Variants in BPIFB2 observed in about 807,000 individuals in gnomAD.
BPIFB2 encodes BPI fold-containing family B member 2.
BPIFB2 carries 39 observed loss-of-function variants against 50.1 expected under a neutral mutation model. The observed-to-expected ratio is 0.78, with a 90% CI of 0.60 to 1.02. The LOEUF is 1.02. Among genes scored for constraint, BPIFB2 ranks in the 50% least tolerant of loss-of-function variants. The probability of loss-of-function intolerance (pLI) is 0.00; values close to 1 mark genes in which losing one functional copy is unlikely to be tolerated. For missense variants in BPIFB2, 574 were observed against 585.8 expected (o/e 0.98, Z 0.21); for synonymous variants, 280 against 256.3 (o/e 1.09, Z -0.88).
chr20:33,013,050 C>A (rs146634710), intron 4 of BPIFB2, 143 bp downstream of exon 4: 22 of 641,318 alleles, frequency 3.4e-5, no homozygotes, highest in Non-Finnish European at 1.6e-5. Flanking sequence ...TCTCCCCTCA[C>A]GCTTGGAGGG....
Position 33,018,712 on chromosome 20 carries a change from G to T in BPIFB2, c.745G>T (p.Gly249Cys), listed in dbSNP as rs1386475417. The T allele has an allele frequency of 1.2e-6, 2 of 1,614,186 alleles. No individual in the cohort carries two copies. The highest frequency in any genetic ancestry group is 1.7e-6 in the Non-Finnish European group (2 of 1,180,020). ...ATPFVLPRHVGTEGSMATVGL... is the reference protein window; with the variant it reads ...ATPFVLPRHVCTEGSMATVGL... ...CCCTTTTGTGTTGCCAAGGCATGTG[G>T]GTACCGAGGGCTCCATGGCCACCGT... The change falls in exon 9 of 16, where the codon GGT (glycine) becomes TGT (cysteine). Residue 249 changes from glycine to cysteine, a missense_variant. Transcript: ENST00000170150.
At chr20:33,023,011 T>A (rs1263654416) in intron 15 of BPIFB2, among the ~76,000 whole-genome samples, 1 of 151,804 alleles carries the variant, frequency 6.6e-6, no homozygotes, top group Non-Finnish European at 1.5e-5. Context: ...CTATGGGGGG[T>A]GCCTGAGTCT....
chr20:33,014,967 G>A (rs1170160905), intron 5 of BPIFB2, among the ~76,000 whole-genome samples: 2 of 152,094 alleles, frequency 1.3e-5, no homozygotes, highest in Non-Finnish European at 2.9e-5. Context: ...AGGAACTATA[G>A]GTGCCTATGG....
In BPIFB2 at chr20:33,017,164, C is replaced by A. The variant is rs1039253474; in HGVS notation, c.577+62C>A. On this transcript the variant is annotated intron_variant, in intron 7 of 15. Coordinates refer to ENST00000170150, the MANE Select transcript of BPIFB2 (RefSeq NM_025227.3). The stretch of plus-strand genomic sequence containing the variant: ...CTGGGACCCCCTGGAGCCCCTAGAA[C>A]CCTCCAAAGGCTCCACTCTGGATCA... 7.3e-6 allele frequency: 11 copies of A among 1,511,386 alleles called. No homozygotes were observed. The Admixed American group carries it at 1.6e-4, about 22-fold the overall frequency. The allele number at this position is 1,511,386 out of a possible 1,614,324, so 93.6% of individuals were successfully genotyped here. A position where few individuals can be genotyped will look rare whatever the true frequency, so the allele number is the denominator to read the frequency against.
chr20:33,010,913 T>C, intron 2 of BPIFB2, 111 bp from the exon 3 acceptor site: 1 of 926,210 alleles, frequency 1.1e-6, no homozygotes, highest in Non-Finnish European at 1.7e-6. Flanking sequence ...GCCTACCCCT[T>C]CCAGTCTGAG....
chr20:33,008,563 GC>G lies in BPIFB2; in HGVS notation c.-10del, dbSNP rs776610928. ...CAGCCCACAGATCCTGTGGGCAGCG[GC>G]CAGGGCAGCCATGGCTTGGGCAAGT... On this transcript the variant is annotated 5_prime_UTR_variant, in exon 2 of 16. Transcript: ENST00000170150. The G allele has an allele frequency of 9.5e-6, 15 of 1,574,402 alleles. No homozygotes were observed. Among genetic ancestry groups the G allele is most frequent in the African/African-American group, 1.4e-5 (1 of 73,886 alleles).
At chr20:33,015,352 C>T in intron 5 of BPIFB2, 84 bp from the exon 6 acceptor site, 3 of 1,295,942 alleles carry the variant, frequency 2.3e-6, no homozygotes, top group Non-Finnish European at 3.2e-6. Context: ...ATAGAGACTT[C>T]TCTTCCCAGA....
rs146534667 is a variant in BPIFB2, at chr20:33,009,831, A to T, written c.109+1148A>T. Among the ~76,000 whole-genome samples, 81 of 152,352 alleles carry T rather than the reference A, an allele frequency of 5.3e-4. No individual in the cohort carries two copies. Among genetic ancestry groups the T allele is most frequent in the Non-Finnish European group, 1.0e-3 (69 of 68,032 alleles). On this transcript the variant is annotated intron_variant, in intron 2 of 15. Coordinates refer to ENST00000170150, the MANE Select transcript of BPIFB2 (RefSeq NM_025227.3). This position sits in a 1 kb window ranked among gnomAD's most constrained non-coding sequence, Gnocchi z 4.2. ...AAATCTGGCTGGAGGCCCACGCTGG[A>T]CGCATTGCTCCCCAGGCTGGGCTGA...
At position 33,020,378 on chromosome 20, in the gene BPIFB2, G is replaced by T. The variant is rs761624498; in HGVS notation, c.1131G>T (p.Gly377=). Residue 377 remains glycine, a synonymous_variant, in exon 12 of 16, where the codon GGG becomes GGT. Coordinates refer to ENST00000170150, the MANE Select transcript of BPIFB2 (RefSeq NM_025227.3). ...CTGTGTCCAAGGTGAAGCTTCAGGG[G>T]ACCACGTCTGTGCTGGGGTAAACGA... The part of the protein sequence containing the change: ...QLSVSKVKLQ[G]TTSVLGDVQL... The T allele has an allele frequency of 6.2e-7, 1 of 1,614,152 alleles. No homozygotes were observed. Among genetic ancestry groups the T allele is most frequent in the East Asian group, 2.2e-5 (1 of 44,874 alleles).
intron 3 of BPIFB2, among the ~76,000 whole-genome samples, chr20:33,011,340 C>T (rs1990285453): frequency 6.6e-6 from 1 of 152,204 alleles, no homozygotes; most frequent in Admixed American, 6.5e-5. Context: ...AAGAGAGGGA[C>T]CCAAGATGGA....
intron 13 of BPIFB2, among the ~76,000 whole-genome samples, chr20:33,021,077 C>T (rs928496016): frequency 6.6e-5 from 10 of 152,220 alleles, no homozygotes; most frequent in South Asian, 2.1e-4. Context: ...TGTGATCCTG[C>T]GAAGGCTGAG....
At position 33,013,914 on chromosome 20, in the gene BPIFB2, C is replaced by G; in HGVS notation, c.413C>G (p.Ser138Cys). Residue 138 changes from serine to cysteine, a missense_variant, in exon 5 of 16, where the codon TCT becomes TGT. By Grantham distance (112) the Ser-to-Cys change is moderately radical. Coordinates refer to ENST00000170150, the MANE Select transcript of BPIFB2 (RefSeq NM_025227.3). ...RTPVVSISACSLFSGHANEFD... is the reference protein window; with the variant it reads ...RTPVVSISACCLFSGHANEFD... The stretch of plus-strand genomic sequence containing the variant: ...CCTGTGGTCAGCATCTCTGCCTGCT[C>G]TTTATTCTCGGGCCACGCCAACGAG... 1 of 1,614,020 alleles carries G rather than the reference C, an allele frequency of 6.2e-7. No homozygotes were observed. The highest frequency in any genetic ancestry group is 1.1e-5 in the South Asian group (1 of 91,076).
intron 5 of BPIFB2, among the ~76,000 whole-genome samples, chr20:33,014,673 A>G (rs1335794105): frequency 6.6e-6 from 1 of 152,188 alleles, no homozygotes; most frequent in East Asian, 1.9e-4. Context: ...TGAGGTGTTG[A>G]GCATCTTGGA....
intron 1 of BPIFB2, among the ~76,000 whole-genome samples, chr20:33,008,074 AGGACAGGAGCCACCCT>A (rs1990233330): frequency 6.6e-6 from 1 of 152,100 alleles, no homozygotes; most frequent in Non-Finnish European, 1.5e-5. Context: ...GGAGGGGATG[AGGACAGGAGCCACCCT>A]GGGTCCTCCC....
At position 33,019,786 on chromosome 20, in the gene BPIFB2, T is replaced by C. The variant is rs202188935; in HGVS notation, c.1080+36T>C. ...TGGGGCTGGTCGGAAGGCAGGCAAC[T>C]GTCACAGAGACCTCCCTCCCTGCTT... is the stretch of plus-strand genomic sequence containing the variant. On this transcript the variant is annotated intron_variant, in intron 11 of 15. Coordinates refer to ENST00000170150, the MANE Select transcript of BPIFB2 (RefSeq NM_025227.3). 3.2e-6 allele frequency: 5 copies of C among 1,546,200 alleles called. No individual in the cohort carries two copies. In the South Asian group the frequency reaches 6.3e-5, roughly 19 times the overall value.
intron 5 of BPIFB2, among the ~76,000 whole-genome samples, chr20:33,014,508 C>T (rs1038253079): frequency 1.1e-4 from 17 of 152,196 alleles, no homozygotes; most frequent in African/African-American, 3.4e-4. Context: ...TTTACAGGAG[C>T]GCAAATGGAG....
Position 33,023,440 on chromosome 20 carries a change from C to T in BPIFB2, c.*57C>T, listed in dbSNP as rs554578300. On this transcript the variant is annotated 3_prime_UTR_variant, in exon 16 of 16. Coordinates refer to ENST00000170150, the MANE Select transcript of BPIFB2 (RefSeq NM_025227.3). ...CAGCTCGCTGCTCAGGCGAATTTCT[C>T]ATTTCAAGCCACTGGGGAAACTGAG... is the stretch of plus-strand genomic sequence containing the variant. 1.3e-5 allele frequency: 20 copies of T among 1,576,102 alleles called. No individual in the cohort carries two copies. In the African/African-American group the frequency reaches 1.3e-4, roughly 11 times the overall value.
chr20:33,018,611 C>T lies in BPIFB2; in HGVS notation c.670-26C>T, dbSNP rs150989727. ...CGTGCTGAGGCCCTGCTGCTTTTCT[C>T]CCACTTCCCCCTCCCACCCCTACAG... On this transcript the variant is annotated intron_variant, in intron 8 of 15. Coordinates refer to ENST00000170150, the MANE Select transcript of BPIFB2 (RefSeq NM_025227.3). 4.6e-5 allele frequency: 72 copies of T among 1,577,688 alleles called. No homozygotes were observed. The African/African-American group carries it at 6.5e-4, about 14-fold the overall frequency.
At chr20:33,015,721 G>C (rs1156383659) in intron 6 of BPIFB2, among the ~76,000 whole-genome samples, 1 of 152,058 alleles carries the variant, frequency 6.6e-6, no homozygotes, top group Non-Finnish European at 1.5e-5. Context: ...TGGAGGGGAG[G>C]GGGAGGTTCA....
Sources: gnomAD v4.1 joint callset for allele counts (sites outside exome capture counted in the v4.1 genomes callset) on GRCh38, gnomAD v4.1.1 for gene constraint, Gnocchi (gnomAD v3.1) non-coding constraint, MANE v1.5 for transcripts, NCBI Gene and HGNC (gene_info 2026-07-23, HGNC 2026-07-21) for gene names.